The following SNTG1 variants were observed in gnomAD, a reference collection of about 807,000 sequenced individuals.
The protein encoded by SNTG1 is gamma-1-syntrophin.
A neutral mutation model predicts 74.7 loss-of-function variants in SNTG1; 39 were observed. The ratio of observed to expected loss-of-function variants is 0.52; its 90% CI spans 0.40 to 0.68. The LOEUF (loss-of-function observed/expected upper bound fraction) is 0.68. Ranked by LOEUF, SNTG1 falls within the 30% of genes least tolerant of loss-of-function variation. SNTG1 has a pLI of 0.00. For synonymous variants in SNTG1, 254 were observed against 217.1 expected, an observed-to-expected ratio of 1.17 and a Z score of -1.49; for missense variants, 685 against 609.5, an observed-to-expected ratio of 1.12 and a Z score of -1.30.
chr8:50,198,615 A>G (rs756746524), intron 2 of SNTG1, among the ~76,000 whole-genome samples: 1 of 152,186 alleles, frequency 6.6e-6, no homozygotes, highest in African/African-American at 2.4e-5. Flanking sequence ...CATCAGCAGC[A>G]AAGTACAGTA....
intron 15 of SNTG1, among the ~76,000 whole-genome samples, chr8:50,666,478 A>T (rs2131317686): frequency 6.6e-6 from 1 of 152,252 alleles, no homozygotes; most frequent in South Asian, 2.1e-4. Context: ...CTGAAGTATG[A>T]GGGTGGGAGG....
At chr8:50,768,484 G>A (rs1385377652) in intron 18 of SNTG1, among the ~76,000 whole-genome samples, 2 of 152,012 alleles carry the variant, frequency 1.3e-5, no homozygotes, top group African/African-American at 4.8e-5. Context: ...TAATCTAAAT[G>A]AATCCCTGTT....
chr8:50,666,890 A>T (rs753148665), intron 15 of SNTG1, among the ~76,000 whole-genome samples: 1 of 152,048 alleles, frequency 6.6e-6, no homozygotes, highest in Non-Finnish European at 1.5e-5. Flanking sequence ...TAACCCTTAT[A>T]TTTTGATATC....
At chr8:49,986,742 G>C (rs1277705096) in intron 1 of SNTG1, among the ~76,000 whole-genome samples, 1 of 151,616 alleles carries the variant, frequency 6.6e-6, no homozygotes, top group African/African-American at 2.4e-5. Flanking sequence ...ATAGCCAGGT[G>C]TTGTGGTGCA....
intron 2 of SNTG1, among the ~76,000 whole-genome samples, chr8:50,332,454 TTA>T (rs1491353621): frequency 1.8e-4 from 27 of 151,086 alleles, no homozygotes; most frequent in African/African-American, 4.9e-4. Flanking sequence ...GTTTTTTTTT[TTA>T]AAATGTGTTT....
chr8:49,951,975 T>C (rs1027642851), intron 1 of SNTG1, among the ~76,000 whole-genome samples: 4 of 148,234 alleles, frequency 2.7e-5, no homozygotes, highest in Non-Finnish European at 5.9e-5. Flanking sequence ...CTGGGAAATA[T>C]ATCACCCAGA....
chr8:50,332,763 G>T (rs1056228405), intron 2 of SNTG1, among the ~76,000 whole-genome samples: 1 of 152,192 alleles, frequency 6.6e-6, no homozygotes, highest in Non-Finnish European at 1.5e-5. Flanking sequence ...TTATACACCA[G>T]TCCTTGGAGT....
chr8:50,407,579 G>A (rs1197713566), intron 4 of SNTG1, among the ~76,000 whole-genome samples: 1 of 152,142 alleles, frequency 6.6e-6, no homozygotes, highest in African/African-American at 2.4e-5. Context: ...CTGCTTCTAG[G>A]ATTGTCTTTG....
Position 50,362,371 on chromosome 8 carries a change from T to C in SNTG1, c.-27-31841T>C, listed in dbSNP as rs188787954. Among the ~76,000 whole-genome samples, 599 of 152,290 alleles carry C rather than the reference T, an allele frequency of 3.9e-3. 6 individuals carry two copies. Among genetic ancestry groups the C allele is most frequent in the South Asian group, 0.032 (153 of 4,832 alleles). On this transcript the variant is annotated intron_variant, in intron 2 of 18. Transcript: ENST00000642720. ...ATGTTCAATAAACTAACGCTGTAGCTTTGACCTGGAAAATGAATTTTTTGA... is the reference window on the plus strand; with the variant it reads ...ATGTTCAATAAACTAACGCTGTAGCCTTGACCTGGAAAATGAATTTTTTGA...
At chr8:50,332,348 G>A (rs2090996893) in intron 2 of SNTG1, among the ~76,000 whole-genome samples, 2 of 152,018 alleles carry the variant, frequency 1.3e-5, no homozygotes. Context: ...TTTCTTGAAT[G>A]GCTTTCCTCT....
intron 18 of SNTG1, among the ~76,000 whole-genome samples, chr8:50,771,725 G>A (rs1460703787): frequency 6.6e-6 from 1 of 152,010 alleles, no homozygotes; most frequent in African/African-American, 2.4e-5. Context: ...TCTCATCACA[G>A]GCTGAGAGGC....
intron 18 of SNTG1, among the ~76,000 whole-genome samples, chr8:50,770,736 C>A (rs2095624973): frequency 6.6e-6 from 1 of 151,970 alleles, no homozygotes; most frequent in Non-Finnish European, 1.5e-5. Flanking sequence ...GTGAATAATG[C>A]CCTCTTGTGG....
intron 12 of SNTG1, among the ~76,000 whole-genome samples, chr8:50,554,153 C>G (rs1049380494): frequency 6.6e-6 from 1 of 152,230 alleles, no homozygotes; most frequent in Admixed American, 6.5e-5. Context: ...CTATACCTTT[C>G]TAAAACGACA....
At chr8:50,028,363 T>C (rs531504346) in intron 1 of SNTG1, among the ~76,000 whole-genome samples, 75 of 152,286 alleles carry the variant, frequency 4.9e-4, no homozygotes, top group African/African-American at 1.7e-3. Flanking sequence ...CACTGTTTTT[T>C]TCCCAAATAT....
chr8:50,423,360 A>G lies in SNTG1; in HGVS notation c.163-15183A>G, dbSNP rs1195559797. On this transcript the variant is annotated intron_variant, in intron 4 of 18. Transcript: ENST00000642720. The stretch of plus-strand genomic sequence containing the variant: ...TGAAATATTCAATATTGCAAAAAAC[A>G]ATCATAAAAATCCTCTCATTTCTCC... 2.0e-5 allele frequency among the ~76,000 whole-genome samples: 3 copies of G among 152,374 alleles called. No homozygotes were observed. In the East Asian group the frequency reaches 5.8e-4, roughly 29 times the overall value.
intron 12 of SNTG1, among the ~76,000 whole-genome samples, chr8:50,579,070 G>T (rs996541387): frequency 1.3e-5 from 2 of 152,112 alleles, no homozygotes; most frequent in Admixed American, 1.3e-4. Context: ...AGAAAGTTGT[G>T]GGGAAGTTAG....
intron 12 of SNTG1, among the ~76,000 whole-genome samples, chr8:50,572,395 T>C (rs2130770074): frequency 6.6e-6 from 1 of 152,218 alleles, no homozygotes; most frequent in East Asian, 1.9e-4. Context: ...CTTTCAGGCT[T>C]CTGATTCACA....
chr8:50,667,252 G>A (rs538440024), intron 15 of SNTG1, among the ~76,000 whole-genome samples: 1 of 152,124 alleles, frequency 6.6e-6, no homozygotes, highest in East Asian at 1.9e-4. Context: ...TTATATCAAT[G>A]GCAGGTATTA....
chr8:50,708,825 T>C, intron 16 of SNTG1, 61 bp from the exon 17 acceptor site: 1 of 1,098,802 alleles, frequency 9.1e-7, no homozygotes, highest in Non-Finnish European at 1.4e-6. Flanking sequence ...TGTAACATAG[T>C]TCATAATATT....
Sources: gnomAD v4.1 joint callset for allele counts (sites outside exome capture counted in the v4.1 genomes callset) on GRCh38, gnomAD v4.1.1 for gene constraint, MANE v1.5 for transcripts, NCBI Gene and HGNC (gene_info 2026-07-23, HGNC 2026-07-21) for gene names.